OSTN: variants seen among roughly 807,000 people sequenced by gnomAD.
OSTN encodes osteocrin.
Under a neutral mutation model 12.0 loss-of-function variants are expected in OSTN, and 9 were observed. That is an observed-to-expected ratio of 0.75 (90% CI 0.45 to 1.30). OSTN has a LOEUF of 1.30. Among genes scored for constraint, OSTN ranks in the 50% most tolerant of loss-of-function variants. The pLI, the probability that OSTN is intolerant of heterozygous loss-of-function variation, is 0.00. For missense variants in OSTN, 148 were observed against 152.3 expected (o/e 0.97, Z 0.15); for synonymous variants, 59 against 56.9 (o/e 1.04, Z -0.16).
At chr3:191,213,363 C>G (rs990368515) in intron 2 of OSTN, 1 of 152,128 alleles carries the variant, frequency 6.6e-6, no homozygotes, top group Admixed American at 6.5e-5. Context: ...GAGCAGTAAT[C>G]ACGATCTTCT....
chr3:191,251,061 T>C (rs1276210463), intron 4 of OSTN, among the ~76,000 whole-genome samples: 1 of 152,138 alleles, frequency 6.6e-6, no homozygotes, highest in African/African-American at 2.4e-5. Flanking sequence ...ATTTCTACCA[T>C]ATAGCATTGT....
At position 191,239,641 on chromosome 3, in the gene OSTN, G is replaced by T. The variant is rs147649540; in HGVS notation, c.318-10396G>T. Among the ~76,000 whole-genome samples the T allele has an allele frequency of 2.0e-3, 310 of 152,338 alleles. 2 individuals are homozygous for T. The highest frequency in any genetic ancestry group is 2.9e-3 in the Non-Finnish European group (197 of 68,032). ...TGTTGAAAAGTGAATTATCACTTTT[G>T]AGACAGAATCCTAGAAGTCAAAAGT... is the stretch of plus-strand genomic sequence containing the variant. On this transcript the variant is annotated intron_variant, in intron 3 of 4. Coordinates refer to ENST00000682035, the MANE Select transcript of OSTN (RefSeq NM_198184.2).
chr3:191,204,882 T>C (rs578241487), intron 1 of OSTN, among the ~76,000 whole-genome samples: 4 of 152,332 alleles, frequency 2.6e-5, no homozygotes, highest in African/African-American at 9.6e-5. Flanking sequence ...AGAAAAAAAT[T>C]GGCTTCAAAC....
Position 191,227,935 on chromosome 3 carries a change from T to G in OSTN, c.317+8974T>G, listed in dbSNP as rs181463091. 7.7e-3 allele frequency among the ~76,000 whole-genome samples: 1,177 copies of G among 152,298 alleles called. 20 individuals carry two copies. The highest frequency in any genetic ancestry group is 0.027 in the African/African-American group (1,127 of 41,570). On this transcript the variant is annotated intron_variant, in intron 3 of 4. Coordinates refer to ENST00000682035, the MANE Select transcript of OSTN (RefSeq NM_198184.2). ...AACACGTTCAACTTATAACTTTATT[T>G]CATTTTTTCCATGCCACGAATCCCC...
intron 4 of OSTN, among the ~76,000 whole-genome samples, chr3:191,258,404 G>A (rs1462346189): frequency 6.6e-6 from 1 of 152,116 alleles, no homozygotes. Flanking sequence ...AAAGCATTTA[G>A]ATGTTTAAAA....
chr3:191,219,931 T>A (rs1175539802), intron 3 of OSTN, among the ~76,000 whole-genome samples: 1 of 152,176 alleles, frequency 6.6e-6, no homozygotes, highest in African/African-American at 2.4e-5. Flanking sequence ...ACCACCATCA[T>A]CACCCCTTTA....
At chr3:191,248,852 A>T (rs996574814) in intron 3 of OSTN, among the ~76,000 whole-genome samples, 1 of 152,292 alleles carries the variant, frequency 6.6e-6, no homozygotes, top group East Asian at 1.9e-4. Context: ...GGGAGGCTGA[A>T]GTGGGAAGAT....
intron 1 of OSTN, among the ~76,000 whole-genome samples, chr3:191,201,156 G>A (rs906238116): frequency 6.6e-6 from 1 of 151,450 alleles, no homozygotes; most frequent in Admixed American, 6.6e-5. Flanking sequence ...TAAGTGTCAC[G>A]GTACATCCCT....
chr3:191,199,903 T>C (rs148624179), intron 1 of OSTN, among the ~76,000 whole-genome samples: 3 of 152,268 alleles, frequency 2.0e-5, no homozygotes, highest in Admixed American at 6.5e-5. Context: ...AATGATTGAA[T>C]TGAGAGTTAA....
intron 3 of OSTN, among the ~76,000 whole-genome samples, chr3:191,243,295 G>A (rs1392943309): frequency 6.6e-6 from 1 of 152,122 alleles, no homozygotes; most frequent in Non-Finnish European, 1.5e-5. Context: ...ATACTACTGG[G>A]AATATATTGT....
intron 4 of OSTN, among the ~76,000 whole-genome samples, chr3:191,258,213 C>T (rs1490496433): frequency 6.6e-6 from 1 of 152,164 alleles, no homozygotes; most frequent in Non-Finnish European, 1.5e-5. Context: ...TAGGAATTAA[C>T]CGTAAGATTG....
At chr3:191,243,657 T>A (rs1715369567) in intron 3 of OSTN, among the ~76,000 whole-genome samples, 1 of 152,156 alleles carries the variant, frequency 6.6e-6, no homozygotes, top group African/African-American at 2.4e-5. Context: ...CACACTCACA[T>A]ATCTATCACC....
intron 1 of OSTN, among the ~76,000 whole-genome samples, chr3:191,205,526 ATTC>A (rs1195989772): frequency 1.3e-5 from 2 of 151,740 alleles, no homozygotes. Flanking sequence ...AGATCTGAAA[ATTC>A]TTATTATCAA....
intron 3 of OSTN, among the ~76,000 whole-genome samples, chr3:191,245,748 T>C (rs1400368337): frequency 6.6e-6 from 1 of 152,156 alleles, no homozygotes; most frequent in East Asian, 1.9e-4. Flanking sequence ...AAGAATGTTC[T>C]GTTTTAATCA....
intron 1 of OSTN, among the ~76,000 whole-genome samples, chr3:191,207,999 C>T (rs182517487): frequency 3.2e-4 from 49 of 152,238 alleles, no homozygotes; most frequent in African/African-American, 1.1e-3. Flanking sequence ...AACGTCAAAA[C>T]ACATAATAGT....
At chr3:191,242,124 T>C (rs1456885193) in intron 3 of OSTN, among the ~76,000 whole-genome samples, 1 of 152,208 alleles carries the variant, frequency 6.6e-6, no homozygotes, top group Non-Finnish European at 1.5e-5. Context: ...ATCATCTCTA[T>C]AGATTCAGAA....
intron 3 of OSTN, among the ~76,000 whole-genome samples, chr3:191,234,365 A>G (rs2108543142): frequency 6.6e-6 from 1 of 152,268 alleles, no homozygotes; most frequent in South Asian, 2.1e-4. Context: ...GAGGTTTCCA[A>G]AAGTCAGAGA....
chr3:191,214,442 A>G lies in OSTN; in HGVS notation c.102+1808A>G, dbSNP rs1411094883. On this transcript the variant is annotated intron_variant, in intron 2 of 4. Coordinates refer to ENST00000682035, the MANE Select transcript of OSTN (RefSeq NM_198184.2). ...ACAGAGTGAGACTCCATCTCAAAAA[A>G]AAAAAAAAAAAAAAAAAAAACAGCA... is the stretch of plus-strand genomic sequence containing the variant. Among the ~76,000 whole-genome samples the G allele has an allele frequency of 7.4e-5, 11 of 149,320 alleles. No homozygotes were observed. The East Asian group carries it at 1.6e-3, about 22-fold the overall frequency.
intron 4 of OSTN, among the ~76,000 whole-genome samples, chr3:191,259,852 CTTTTT>C (rs372562335): frequency 7.5e-6 from 1 of 132,536 alleles, no homozygotes; most frequent in African/African-American, 2.8e-5. Context: ...ATGTATCCTT[CTTTTT>C]TTTTTTTTTT....
Sources: allele counts gnomAD v4.1 joint callset (sites outside exome capture counted in the v4.1 genomes callset), GRCh38; gene constraint gnomAD v4.1.1; transcripts MANE v1.5; gene names NCBI Gene and HGNC (gene_info 2026-07-23, HGNC 2026-07-21).